EYS: variants seen among roughly 807,000 people sequenced by gnomAD.
The protein encoded by EYS is EGF-like photoreceptor maintenance factor, also known as protein eyes shut homolog.
In EYS, 250 loss-of-function variants were observed where a neutral mutation model predicts 282.1. The ratio of observed to expected loss-of-function variants is 0.89; its 90% CI spans 0.80 to 0.98. EYS has a LOEUF of 0.98. Ranked by LOEUF, EYS falls within the 50% of genes least tolerant of loss-of-function variation. The pLI is 0.00. For synonymous variants in EYS, 1,355 were observed against 1,282.9 expected (o/e 1.06, Z -1.20); for missense variants, 4,016 against 3,709.0 (o/e 1.08, Z -2.15).
Position 65,010,680 on chromosome 6 carries a change from C to A in EYS, c.2138-12977G>T, listed in dbSNP as rs1771837935. Among the ~76,000 whole-genome samples the A allele has an allele frequency of 2.0e-5, 3 of 152,164 alleles. No individual in the cohort carries two copies. The South Asian group carries it at 6.2e-4, about 32-fold the overall frequency. On this transcript the variant is annotated intron_variant, in intron 13 of 42. Transcript: ENST00000503581. The stretch of plus-strand genomic sequence containing the variant: ...AATCCCTTCACTGCAGGAACTAGTG[C>A]TCAGCTGGCAGAACTAATAGCCCTC...
chr6:64,059,535 T>C (rs1771093125), intron 33 of EYS, among the ~76,000 whole-genome samples: 1 of 152,198 alleles, frequency 6.6e-6, no homozygotes, highest in Non-Finnish European at 1.5e-5. Context: ...ACCTTATTTA[T>C]TTTTGAATCA....
At chr6:64,079,887 A>C (rs992990792) in intron 32 of EYS, among the ~76,000 whole-genome samples, 3 of 152,138 alleles carry the variant, frequency 2.0e-5, no homozygotes, top group Admixed American at 1.3e-4. Context: ...GTCCCAACAA[A>C]GGACATGAAC....
chr6:65,015,379 A>G (rs1772009305), intron 13 of EYS, among the ~76,000 whole-genome samples: 1 of 152,220 alleles, frequency 6.6e-6, no homozygotes, highest in African/African-American at 2.4e-5. Context: ...CTAATTTGAA[A>G]TAACATCTCC....
At chr6:64,459,745 T>A (rs1775681963) in intron 26 of EYS, among the ~76,000 whole-genome samples, 2 of 152,208 alleles carry the variant, frequency 1.3e-5, no homozygotes. Context: ...CTGCCTGATT[T>A]ATTCTAGCTG....
chr6:64,921,954 A>C (rs771821646), intron 15 of EYS, among the ~76,000 whole-genome samples: 1 of 152,072 alleles, frequency 6.6e-6, no homozygotes, highest in Non-Finnish European at 1.5e-5. Flanking sequence ...AAAAATTTTA[A>C]AAAACAAGAA....
chr6:65,616,914 G>A (rs141152585), intron 2 of EYS, among the ~76,000 whole-genome samples: 17 of 152,070 alleles, frequency 1.1e-4, no homozygotes, highest in African/African-American at 4.1e-4. Flanking sequence ...ATACATTGAA[G>A]CTTTTAAAAA....
chr6:65,704,446 A>G (rs948170005), intron 1 of EYS, among the ~76,000 whole-genome samples: 1 of 152,226 alleles, frequency 6.6e-6, no homozygotes, highest in Non-Finnish European at 1.5e-5. Flanking sequence ...CCAGATTCAG[A>G]TTCTAAATTC....
At chr6:64,552,233 C>G (rs1473509618) in intron 26 of EYS, among the ~76,000 whole-genome samples, 3 of 152,170 alleles carry the variant, frequency 2.0e-5, no homozygotes, top group African/African-American at 4.8e-5. Context: ...ACAGAACAGA[C>G]TCTTTGTAGC....
intron 31 of EYS, among the ~76,000 whole-genome samples, chr6:64,154,307 G>T (rs1372082607): frequency 6.6e-6 from 1 of 151,934 alleles, no homozygotes; most frequent in East Asian, 1.9e-4. Context: ...GGGCGTGGTG[G>T]TACATGCCTG....
intron 23 of EYS, 64 bp from the exon 24 acceptor site, chr6:64,617,597 T>C: frequency 1.1e-6 from 1 of 876,084 alleles, no homozygotes; most frequent in Non-Finnish European, 1.8e-6. Flanking sequence ...GTTATGCTAA[T>C]AGCCTATATT....
chr6:63,837,220 T>G (rs1771832193), intron 36 of EYS, among the ~76,000 whole-genome samples: 1 of 152,142 alleles, frequency 6.6e-6, no homozygotes, highest in Non-Finnish European at 1.5e-5. Flanking sequence ...TGACTTTGTT[T>G]TCTACATGCT....
At chr6:63,880,702 C>T (rs1268128969) in intron 35 of EYS, among the ~76,000 whole-genome samples, 2 of 152,290 alleles carry the variant, frequency 1.3e-5, no homozygotes, top group African/African-American at 2.4e-5. Context: ...TCCTCCTACC[C>T]CCTTTCTCTT....
At chr6:64,355,482 T>C (rs1222016854) in intron 29 of EYS, among the ~76,000 whole-genome samples, 1 of 151,614 alleles carries the variant, frequency 6.6e-6, no homozygotes, top group Non-Finnish European at 1.5e-5. Context: ...AGAATCATTG[T>C]GTGGGTATTT....
At chr6:64,142,995 C>A (rs1414288704) in intron 31 of EYS, among the ~76,000 whole-genome samples, 1 of 151,970 alleles carries the variant, frequency 6.6e-6, no homozygotes, top group East Asian at 1.9e-4. Context: ...TTATTCAGTG[C>A]TAAAAAGTGA....
At chr6:65,675,870 A>G (rs932263166) in intron 1 of EYS, among the ~76,000 whole-genome samples, 2 of 151,878 alleles carry the variant, frequency 1.3e-5, no homozygotes, top group Non-Finnish European at 2.9e-5. Context: ...TAAGAAATTT[A>G]AAACGATTGA....
At chr6:64,234,567 C>G (rs762808049) in intron 30 of EYS, among the ~76,000 whole-genome samples, 4 of 152,044 alleles carry the variant, frequency 2.6e-5, no homozygotes, top group Non-Finnish European at 5.9e-5. Context: ...AATTTGCATA[C>G]ATAGTGTACC....
At chr6:64,193,993 T>A (rs1003990953) in intron 31 of EYS, among the ~76,000 whole-genome samples, 9 of 152,320 alleles carry the variant, frequency 5.9e-5, no homozygotes, top group African/African-American at 1.9e-4. Context: ...CAGCATGATT[T>A]ATAATCCTTT....
rs547127808 is a variant in EYS, at chr6:63,804,357, G to A, written c.7411+1833C>T. 5.3e-5 allele frequency among the ~76,000 whole-genome samples: 8 copies of A among 152,206 alleles called. No individual in the cohort carries two copies. In the South Asian group the frequency reaches 1.2e-3, roughly 24 times the overall value. ...TAAGAGCTTCCCATGTATTAAGTTC[G>A]TTATTCCTCACAACGCTGTAAGGAA... On this transcript the variant is annotated intron_variant, in intron 37 of 42. Transcript: ENST00000503581.
chr6:65,363,710 T>G (rs1422225468), intron 8 of EYS, among the ~76,000 whole-genome samples: 1 of 151,956 alleles, frequency 6.6e-6, no homozygotes, highest in Non-Finnish European at 1.5e-5. Flanking sequence ...TTTATTTAGA[T>G]AACTTCAATC....
Sources: gnomAD v4.1 joint callset for allele counts (sites outside exome capture counted in the v4.1 genomes callset) on GRCh38, gnomAD v4.1.1 for gene constraint, MANE v1.5 for transcripts, NCBI Gene and HGNC (gene_info 2026-07-23, HGNC 2026-07-21) for gene names.